SLC36A1: variants seen among roughly 807,000 people sequenced by gnomAD.
SLC36A1 encodes proton-coupled amino acid transporter 1.
SLC36A1 carries 30 observed loss-of-function variants against 47.5 expected under a neutral mutation model. That is an observed-to-expected ratio of 0.63 (90% CI 0.47 to 0.86). SLC36A1 has a LOEUF of 0.86. Among genes scored for constraint, SLC36A1 ranks in the 40% least tolerant of loss-of-function variants. SLC36A1 has a pLI of 0.00. For missense variants in SLC36A1, 517 were observed against 606.0 expected, an observed-to-expected ratio of 0.85 and a Z score of 1.54; for synonymous variants, 255 against 249.7, an observed-to-expected ratio of 1.02 and a Z score of -0.20.
At chr5:151,368,260 T>C in the SLC36A1 span, among the ~76,000 whole-genome samples, 1 of 152,226 alleles carries the variant, frequency 6.6e-6, no homozygotes, top group South Asian at 2.1e-4. Flanking sequence ...TCATAAACTG[T>C]GCTAAAACCT....
chr5:151,364,849 T>C, the SLC36A1 span, among the ~76,000 whole-genome samples: 2 of 152,162 alleles, frequency 1.3e-5, no homozygotes, highest in Non-Finnish European at 2.9e-5. Flanking sequence ...GCTTGATATA[T>C]GCTTCTGCTG....
the SLC36A1 span, among the ~76,000 whole-genome samples, chr5:151,357,691 A>G: frequency 5.9e-5 from 9 of 152,260 alleles, no homozygotes; most frequent in African/African-American, 2.2e-4. Context: ...GACAGAAACC[A>G]TACAGACCAC....
chr5:151,388,074 C>A, the SLC36A1 span, among the ~76,000 whole-genome samples: 1 of 151,928 alleles, frequency 6.6e-6, no homozygotes, highest in East Asian at 1.9e-4. Context: ...GTAGAGAACC[C>A]CCTTCCCTTT....
At chr5:151,442,161 CAAAT>C (rs754866403) in intron 1 of SLC36A1, among the ~76,000 whole-genome samples, 1 of 151,902 alleles carries the variant, frequency 6.6e-6, no homozygotes, top group African/African-American at 2.4e-5. Flanking sequence ...AATTATTTTT[CAAAT>C]AAATGTTTTT....
the SLC36A1 span, among the ~76,000 whole-genome samples, chr5:151,534,970 A>AAT: frequency 0.1 from 11,149 of 106,418 alleles, 1,044 homozygotes; most frequent in South Asian, 0.12. Flanking sequence ...CTTCTAGGAA[A>AAT]ATATATATAT....
chr5:151,522,778 A>C, the SLC36A1 span, among the ~76,000 whole-genome samples: 2 of 152,136 alleles, frequency 1.3e-5, no homozygotes, highest in Non-Finnish European at 2.9e-5. Context: ...TGGGGTAGGA[A>C]TGAAGGCGGT....
intron 2 of SLC36A1, among the ~76,000 whole-genome samples, chr5:151,461,075 T>C (rs1755431187): frequency 6.6e-6 from 1 of 151,562 alleles, no homozygotes; most frequent in African/African-American, 2.4e-5. Context: ...GCAACCTCCA[T>C]CTCCTGGGCT....
the SLC36A1 span, among the ~76,000 whole-genome samples, chr5:151,506,382 C>G: frequency 6.6e-6 from 1 of 152,326 alleles, no homozygotes; most frequent in East Asian, 1.9e-4. Flanking sequence ...ATGCAACCCA[C>G]CCCCACAGCT....
At chr5:151,461,985 AAAG>A (rs1196594692) in intron 2 of SLC36A1, among the ~76,000 whole-genome samples, 7 of 151,826 alleles carry the variant, frequency 4.6e-5, no homozygotes, top group African/African-American at 1.7e-4. Flanking sequence ...ATAGAACTAG[AAAG>A]AACAACTAAC....
chr5:151,525,563 A>C, the SLC36A1 span, among the ~76,000 whole-genome samples: 1 of 152,216 alleles, frequency 6.6e-6, no homozygotes, highest in Non-Finnish European at 1.5e-5. Context: ...TGTGTTCCTC[A>C]GTTTCCTCAT....
rs866157279 is a variant in SLC36A1, at chr5:151,468,264, A to T, written c.723+339A>T. On this transcript the variant is annotated intron_variant, in intron 7 of 10. Transcript: ENST00000243389. ...AAGACTCTGTCTCAAAAAAAAAAAAAAAATATATATATATATATATATATA... is the reference window on the plus strand; with the variant it reads ...AAGACTCTGTCTCAAAAAAAAAAAATAAATATATATATATATATATATATA... Among the ~76,000 whole-genome samples, 247 of 78,604 alleles carry T rather than the reference A, an allele frequency of 3.1e-3. 4 individuals carry two copies. The highest frequency in any genetic ancestry group is 0.018 in the African/African-American group (217 of 12,226). The allele number at this position is 78,604 out of a possible 152,430, so 51.6% of individuals were successfully genotyped here.
At chr5:151,438,269 C>G (rs1202519221) in intron 1 of SLC36A1, among the ~76,000 whole-genome samples, 1 of 152,146 alleles carries the variant, frequency 6.6e-6, no homozygotes, top group Non-Finnish European at 1.5e-5. Context: ...AAAAGTGTCT[C>G]CACTTGAACA....
chr5:151,515,220 A>G, the SLC36A1 span, among the ~76,000 whole-genome samples: 1 of 152,150 alleles, frequency 6.6e-6, no homozygotes. Context: ...CTTCCTGCAT[A>G]CAATACTCCC....
chr5:151,473,930 C>T (rs1423197413), intron 8 of SLC36A1, among the ~76,000 whole-genome samples, 159 bp downstream of exon 8: 1 of 151,974 alleles, frequency 6.6e-6, no homozygotes, highest in African/African-American at 2.4e-5. Flanking sequence ...GAGGCCTAGA[C>T]TGGTGGATCA....
the SLC36A1 span, among the ~76,000 whole-genome samples, chr5:151,373,691 T>C: frequency 6.6e-6 from 1 of 152,218 alleles, no homozygotes; most frequent in Non-Finnish European, 1.5e-5. Flanking sequence ...AATGACAATC[T>C]TTGGAGATGG....
At chr5:151,382,219 G>T in the SLC36A1 span, 1 of 1,262,900 alleles carries the variant, frequency 7.9e-7, no homozygotes. Context: ...AACCTCATCT[G>T]CAAGTGCGGG....
At chr5:151,442,741 T>C (rs185925688), upstream of SLC36A1, among the ~76,000 whole-genome samples, 9 of 152,346 alleles carry the variant, frequency 5.9e-5, no homozygotes, top group Non-Finnish European at 7.4e-5. Context: ...TCTAGACTTA[T>C]GGATCCTACA....
chr5:151,442,179 T>C (rs1752668429), intron 1 of SLC36A1, among the ~76,000 whole-genome samples: 1 of 152,184 alleles, frequency 6.6e-6, no homozygotes, highest in African/African-American at 2.4e-5. Flanking sequence ...TGTTTTTGTG[T>C]ATATTTAGCA....
At chr5:151,521,461 T>C in the SLC36A1 span, 6 of 1,614,204 alleles carry the variant, frequency 3.7e-6, no homozygotes, top group East Asian at 2.2e-5. Context: ...CACTGAATGC[T>C]CCATCTCCTT....
Sources: allele counts gnomAD v4.1 joint callset (sites outside exome capture counted in the v4.1 genomes callset), GRCh38; gene constraint gnomAD v4.1.1; transcripts MANE v1.5; gene names NCBI Gene and HGNC (gene_info 2026-07-23, HGNC 2026-07-21).